The following YAE1 variants were observed in gnomAD, a reference collection of about 807,000 sequenced individuals.
YAE1 encodes YAE1 maturation factor of ABCE1.
In YAE1, 22 loss-of-function variants were observed where a neutral mutation model predicts 23.0. That is an observed-to-expected ratio of 0.96 (90% CI 0.68 to 1.37). YAE1 has a LOEUF of 1.37. Ranked by LOEUF, YAE1 falls within the 40% of genes most tolerant of loss-of-function variation. YAE1 has a pLI of 0.00. For missense variants in YAE1, 260 were observed against 262.1 expected (o/e 0.99, Z 0.06); for synonymous variants, 101 against 97.0 (o/e 1.04, Z -0.24).
At chr7:39,580,389 G>A (rs990625661) in intron 2 of YAE1, among the ~76,000 whole-genome samples, 1 of 152,224 alleles carries the variant, frequency 6.6e-6, no homozygotes, top group Non-Finnish European at 1.5e-5. Context: ...TCCTCAGTGT[G>A]TAACACTCCG....
intron 2 of YAE1, among the ~76,000 whole-genome samples, chr7:39,593,660 A>G (rs183932729): frequency 1.3e-5 from 2 of 152,120 alleles, no homozygotes; most frequent in East Asian, 3.9e-4. Flanking sequence ...GTTTTGCCAC[A>G]TTGCCCAGTC....
At chr7:39,578,280 G>A (rs1358204425) in intron 2 of YAE1, among the ~76,000 whole-genome samples, 3 of 152,188 alleles carry the variant, frequency 2.0e-5, no homozygotes, top group Non-Finnish European at 4.4e-5. Flanking sequence ...TGTCAAAACG[G>A]ACCAATAAGC....
At position 39,606,059 on chromosome 7, in the gene YAE1, A is replaced by T. The variant is rs535832227; in HGVS notation, c.252-3558A>T. ...TCATGGTAAACAATTTTTTTTTTTTAGAAATTCTCTCCAGAAAACCACTTC... is the reference window on the plus strand; with the variant it reads ...TCATGGTAAACAATTTTTTTTTTTTTGAAATTCTCTCCAGAAAACCACTTC... On this transcript the variant is annotated intron_variant, in intron 2 of 2. Coordinates refer to the YAE1 transcript ENST00000432096. 8.0e-5 allele frequency among the ~76,000 whole-genome samples: 12 copies of T among 150,408 alleles called. No homozygotes were observed. In the East Asian group the frequency reaches 2.1e-3, roughly 27 times the overall value.
intron 2 of YAE1, among the ~76,000 whole-genome samples, chr7:39,588,018 C>A (rs1237957132): frequency 1.3e-5 from 2 of 152,158 alleles, no homozygotes; most frequent in African/African-American, 4.8e-5. Context: ...CATCTGGTTT[C>A]CGGGACTTGT....
intron 1 of YAE1, chr7:39,567,104 A>C (rs955237345): frequency 6.6e-6 from 1 of 152,380 alleles, no homozygotes; most frequent in Non-Finnish European, 1.5e-5. Context: ...TTGTCTCACT[A>C]TTCATTGAAA....
chr7:39,603,597 G>T (rs1170903304), intron 2 of YAE1, among the ~76,000 whole-genome samples: 1 of 152,164 alleles, frequency 6.6e-6, no homozygotes, highest in Non-Finnish European at 1.5e-5. Context: ...CATGGAAGGT[G>T]ACCAGTAAAA....
chr7:39,596,728 T>TTAGACAATCTGCTCCTTGAGGATATGCTC (rs574264698), intron 2 of YAE1, among the ~76,000 whole-genome samples: 120 of 152,338 alleles, frequency 7.9e-4, no homozygotes, highest in African/African-American at 2.8e-3. Context: ...CTCTTCCCCG[T>TTAGACAATCTGCTCCTTGAGGATATGCTC]TAGACAATCT....
intron 2 of YAE1, among the ~76,000 whole-genome samples, chr7:39,599,632 A>G (rs1466412814): frequency 2.0e-5 from 3 of 152,086 alleles, no homozygotes; most frequent in Admixed American, 6.5e-5. Context: ...AATTATAGTA[A>G]GTTAATTAAC....
downstream of YAE1, among the ~76,000 whole-genome samples, chr7:39,611,577 G>A (rs139820073): frequency 6.6e-5 from 10 of 152,320 alleles, no homozygotes; most frequent in Admixed American, 2.0e-4. Flanking sequence ...TTTTGAGGTA[G>A]CCATGTTTAA....
At chr7:39,593,774 G>A (rs560979574) in intron 2 of YAE1, among the ~76,000 whole-genome samples, 16 of 152,170 alleles carry the variant, frequency 1.1e-4, no homozygotes, top group East Asian at 3.9e-4. Context: ...ATTTCTTTAC[G>A]GTTTGTTTCT....
intron 2 of YAE1, among the ~76,000 whole-genome samples, chr7:39,598,797 A>AAAAG (rs1791014327): frequency 6.7e-6 from 1 of 148,380 alleles, no homozygotes; most frequent in African/African-American, 2.6e-5. Context: ...AAAAAAAAAA[A>AAAAG]AAGAAGAAGA....
chr7:39,577,082 G>A (rs2115789008), downstream of YAE1, among the ~76,000 whole-genome samples: 1 of 152,248 alleles, frequency 6.6e-6, no homozygotes, highest in Non-Finnish European at 1.5e-5. Flanking sequence ...TTTTAGTAGA[G>A]ATGGGGTTTC....
At chr7:39,597,947 T>C (rs1791000274) in intron 2 of YAE1, among the ~76,000 whole-genome samples, 1 of 152,162 alleles carries the variant, frequency 6.6e-6, no homozygotes, top group African/African-American at 2.4e-5. Flanking sequence ...AGAAGTGAGA[T>C]AAGAAAAATT....
At chr7:39,575,270 TAAGG>T (rs201565501), downstream of YAE1, among the ~76,000 whole-genome samples, 1,131 of 152,212 alleles carry the variant, frequency 7.4e-3, 35 homozygotes, top group Admixed American at 0.049. Flanking sequence ...AAAAGGGTGA[TAAGG>T]AAGCCCACAG....
chr7:39,570,717 C>T, intron 2 of YAE1, 90 bp downstream of exon 2: 1 of 1,462,566 alleles, frequency 6.8e-7, no homozygotes, highest in Non-Finnish European at 9.1e-7. Context: ...AACTGAAATG[C>T]TTTTCCTGGT....
intron 2 of YAE1, among the ~76,000 whole-genome samples, chr7:39,604,418 C>G (rs1179161172): frequency 6.6e-6 from 1 of 152,154 alleles, no homozygotes; most frequent in Non-Finnish European, 1.5e-5. Flanking sequence ...TCACCTTTAC[C>G]TGAGTCACAA....
intron 2 of YAE1, among the ~76,000 whole-genome samples, chr7:39,601,206 T>G (rs573351398): frequency 2.0e-5 from 3 of 152,242 alleles, no homozygotes; most frequent in Non-Finnish European, 4.4e-5. Flanking sequence ...CAGCATCATA[T>G]TACTAAGTTC....
chr7:39,595,691 T>C (rs1453877886), intron 2 of YAE1, among the ~76,000 whole-genome samples: 1 of 152,202 alleles, frequency 6.6e-6, no homozygotes, highest in Non-Finnish European at 1.5e-5. Flanking sequence ...AAGAGGGAAA[T>C]GGTGCCTTCA....
rs543964242 is a variant in YAE1, at chr7:39,599,787, G to C, written c.252-9830G>C. ...CTCCCTCTGTCGTCCAGGCTGGAGT[G>C]CATGTTGGCCAGGCTGGTCTTGGAC... On this transcript the variant is annotated intron_variant, in intron 2 of 2. Coordinates refer to the YAE1 transcript ENST00000432096. Among the ~76,000 whole-genome samples, 3 of 151,890 alleles carry C rather than the reference G, an allele frequency of 2.0e-5. No homozygotes were observed. The East Asian group carries it at 5.8e-4, about 29-fold the overall frequency.
Sources: gnomAD v4.1 joint callset for allele counts (sites outside exome capture counted in the v4.1 genomes callset) on GRCh38, gnomAD v4.1.1 for gene constraint, MANE v1.5 for transcripts, NCBI Gene and HGNC (gene_info 2026-07-23, HGNC 2026-07-21) for gene names.